The following NPAS1 variants were observed in gnomAD, a reference collection of about 807,000 sequenced individuals.
NPAS1 encodes the protein neuronal PAS domain-containing protein 1.
In NPAS1, 29 loss-of-function variants were observed where a neutral mutation model predicts 49.2. That is an observed-to-expected ratio of 0.59 (90% CI 0.44 to 0.80). NPAS1 has a LOEUF of 0.80. Among genes scored for constraint, NPAS1 ranks in the 30% least tolerant of loss-of-function variants. NPAS1 has a pLI of 0.00. For synonymous variants in NPAS1, 408 were observed against 380.4 expected, an observed-to-expected ratio of 1.07 and a Z score of -0.84; for missense variants, 825 against 835.5, an observed-to-expected ratio of 0.99 and a Z score of 0.15.
rs374759926 is a variant in NPAS1, at chr19:47,039,120, G to C, written c.773G>C (p.Arg258Thr). ...FVRMKSTLTK[R>T]GLHVKASGYK... ...CGCATGAAATCCACGCTCACCAAGAGGGGGCTGCACGTCAAGGCCTCAGGG... is the reference window on the plus strand; with the variant it reads ...CGCATGAAATCCACGCTCACCAAGACGGGGCTGCACGTCAAGGCCTCAGGG... The change falls in exon 7 of 12, where the codon AGG becomes ACG. Residue 258 changes from arginine to threonine, a missense_variant. Arg to Thr is a moderately conservative substitution (Grantham distance 71, BLOSUM62 -1). Coordinates refer to ENST00000602212, the MANE Select transcript of NPAS1 (RefSeq NM_002517.4). The C allele has an allele frequency of 4.3e-6, 7 of 1,613,156 alleles. No individual in the cohort carries two copies. The highest frequency in any genetic ancestry group is 5.1e-6 in the Non-Finnish European group (6 of 1,179,560).
chr19:47,021,863 C>T lies in NPAS1; in HGVS notation c.358+16C>T, dbSNP rs1443208197. 2 of 1,424,996 alleles carry T rather than the reference C, an allele frequency of 1.4e-6. No individual in the cohort carries two copies. Among genetic ancestry groups the T allele is most frequent in the Admixed American group, 2.7e-5 (1 of 36,904 alleles). 88.3% of individuals were successfully genotyped at this position (1,424,996 alleles called of 1,614,324 possible). A position where few individuals can be genotyped will look rare whatever the true frequency, so the allele number is the denominator to read the frequency against. On this transcript the variant is annotated intron_variant, in intron 3 of 11. Transcript: ENST00000602212. This position sits in a 1 kb window ranked among gnomAD's most constrained non-coding sequence, Gnocchi z 5.7. ...GCTGGCCTCGGTGAGTGCTCATGCG[C>T]GGGGCGAGGGTCCCGGGGCCCTCCA...
At chr19:47,042,261 A>G (rs1250106644) in intron 10 of NPAS1, among the ~76,000 whole-genome samples, 1 of 151,998 alleles carries the variant, frequency 6.6e-6, no homozygotes, top group South Asian at 2.1e-4. Flanking sequence ...GTGAGCCAAG[A>G]TCATGCCACT....
chr19:47,026,995 C>A (rs1436510804), intron 3 of NPAS1, among the ~76,000 whole-genome samples: 1 of 151,966 alleles, frequency 6.6e-6, no homozygotes, highest in Non-Finnish European at 1.5e-5. Flanking sequence ...GCATGACTCC[C>A]AGTATTAGGC....
chr19:47,042,549 G>T (rs527603882), intron 10 of NPAS1, among the ~76,000 whole-genome samples: 1 of 152,338 alleles, frequency 6.6e-6, no homozygotes, highest in East Asian at 1.9e-4. Flanking sequence ...AGATGGGCAT[G>T]AGGTGCCAGA....
intron 1 of NPAS1, 110 bp from the exon 2 acceptor site, chr19:47,020,896 C>G (rs1228685664): frequency 9.3e-5 from 6 of 64,768 alleles, no homozygotes; most frequent in Non-Finnish European, 1.4e-4. Flanking sequence ...TCATCCAGGC[C>G]CCCCCCCCCC....
rs969658580 is a variant in NPAS1, at chr19:47,032,345, C to A, written c.426C>A (p.Ile142=). ...TCGAGCAGCACCTGGGAGGTCACAT[C>A]TTGCAGGTGAGTGAGGCCCCTTCCC... The part of the protein sequence containing the change: ...EVFEQHLGGH[I]LQSLDGFVFA... Residue 142 remains isoleucine (I), a synonymous_variant, in exon 4 of 12, where the codon ATC becomes ATA. Coordinates refer to ENST00000602212, the MANE Select transcript of NPAS1 (RefSeq NM_002517.4). 6.2e-7 allele frequency: 1 copy of A among 1,614,042 alleles called. No individual in the cohort carries two copies. The highest frequency in any genetic ancestry group is 8.5e-7 in the Non-Finnish European group (1 of 1,179,994).
At chr19:47,026,056 C>T (rs562715984) in intron 3 of NPAS1, among the ~76,000 whole-genome samples, 3 of 152,120 alleles carry the variant, frequency 2.0e-5, no homozygotes, top group Non-Finnish European at 4.4e-5. Flanking sequence ...TCTCCTGCCT[C>T]AGCCTCCCAA....
intron 11 of NPAS1, 35 bp downstream of exon 11, chr19:47,042,939 C>T (rs10408524): frequency 6.8e-7 from 1 of 1,480,896 alleles, no homozygotes; most frequent in Non-Finnish European, 9.0e-7. Flanking sequence ...CCCTGGGAAG[C>T]TCCAAGGAAC....
At position 47,038,956 on chromosome 19, in the gene NPAS1, C is replaced by T. The variant is rs545709031; in HGVS notation, c.689-80C>T. 176 of 1,215,174 alleles carry T rather than the reference C, an allele frequency of 1.4e-4. 2 individuals are homozygous for T. The South Asian group carries it at 1.6e-3, about 11-fold the overall frequency. 75.3% of individuals were successfully genotyped at this position (1,215,174 alleles called of 1,614,324 possible). ...CCAGCGGACATCTTGTGTCTATGTC[C>T]GGCTGGCTCTGCAAGGGTCAGGGTG... On this transcript the variant is annotated intron_variant, in intron 6 of 11. Transcript: ENST00000602212.
At position 47,032,357 on chromosome 19, in the gene NPAS1, T is replaced by G. The variant is rs201933015; in HGVS notation, c.432+6T>G. On this transcript the variant is annotated splice_donor_region_variant and intron_variant, in intron 4 of 11. Coordinates refer to ENST00000602212, the MANE Select transcript of NPAS1 (RefSeq NM_002517.4). The stretch of plus-strand genomic sequence containing the variant: ...TGGGAGGTCACATCTTGCAGGTGAG[T>G]GAGGCCCCTTCCCTGCCTGCCGCTC... 57 of 1,613,666 alleles carry G rather than the reference T, an allele frequency of 3.5e-5. No individual in the cohort carries two copies. The highest frequency in any genetic ancestry group is 6.7e-5 in the East Asian group (3 of 44,868).
At chr19:47,039,908 A>G (rs1246666081) in intron 8 of NPAS1, among the ~76,000 whole-genome samples, 1 of 147,646 alleles carries the variant, frequency 6.8e-6, no homozygotes, top group Middle Eastern at 3.2e-3. Context: ...CCCGCAGTGG[A>G]GGCAAATTAA....
chr19:47,044,069 C>T (rs2057049265), intron 11 of NPAS1, among the ~76,000 whole-genome samples: 1 of 148,682 alleles, frequency 6.7e-6, no homozygotes, highest in African/African-American at 2.6e-5. Flanking sequence ...TCGTCTCAAA[C>T]AAATTTATTT....
At chr19:47,042,387 C>A (rs1334646375) in intron 10 of NPAS1, among the ~76,000 whole-genome samples, 5 of 152,190 alleles carry the variant, frequency 3.3e-5, no homozygotes, top group African/African-American at 1.2e-4. Context: ...CGCTGGAGGA[C>A]CAGGGCAGAG....
chr19:47,021,213 TC>T lies in NPAS1; in HGVS notation c.122+46del, dbSNP rs1475645915. ...CCCTGGCCGCGGGCCCCCCCCCGGG[TC>T]CAATTCACACCCGATGTTCTGTCCC... On this transcript the variant is annotated intron_variant, in intron 2 of 11. Coordinates refer to ENST00000602212, the MANE Select transcript of NPAS1 (RefSeq NM_002517.4). The surrounding 1 kb of genome is among the most constrained non-coding windows in gnomAD (Gnocchi z 5.7). The T allele has an allele frequency of 6.9e-7, 1 of 1,453,760 alleles. No individual in the cohort carries two copies. The highest frequency in any genetic ancestry group is 2.4e-5 in the Admixed American group (1 of 42,204). The allele number at this position is 1,453,760 out of a possible 1,614,324, so 90.1% of individuals were successfully genotyped here.
chr19:47,034,314 CAAAA>C (rs76817156), intron 5 of NPAS1, among the ~76,000 whole-genome samples: 1 of 92,714 alleles, frequency 1.1e-5, no homozygotes. Flanking sequence ...AACTCCGTCT[CAAAA>C]AAAAAAAAAA....
intron 11 of NPAS1, 126 bp from the exon 12 acceptor site, chr19:47,045,065 C>CAAA: frequency 1.1e-6 from 1 of 883,280 alleles, no homozygotes; most frequent in Non-Finnish European, 1.7e-6. Context: ...AACAAACAAA[C>CAAA]AAAAAAAAAA....
Position 47,045,423 on chromosome 19 carries a change from T to TCCCGGGGACCC in NPAS1, c.1550_1560dup (p.Pro521GlyfsTer?). On this transcript the variant is annotated frameshift_variant, in exon 12 of 12. Coordinates refer to ENST00000602212, the MANE Select transcript of NPAS1 (RefSeq NM_002517.4). LOFTEE classifies it low-confidence loss of function (END_TRUNC). ...CGGTGCGGCCATGGGGCCTGGCGCC[T>TCCCGGGGACCC]CCCGGGGACCCCCCGCCCACCCTCC... The TCCCGGGGACCC allele has an allele frequency of 6.2e-7, 1 of 1,606,388 alleles. No homozygotes were observed. The highest frequency in any genetic ancestry group is 2.2e-5 in the East Asian group (1 of 44,668).
At chr19:47,027,241 T>C (rs1015124278) in intron 3 of NPAS1, among the ~76,000 whole-genome samples, 13 of 152,086 alleles carry the variant, frequency 8.5e-5, no homozygotes, top group African/African-American at 3.1e-4. Flanking sequence ...GGTCAGCACA[T>C]TCCTTCAGGG....
intron 11 of NPAS1, 54 bp downstream of exon 11, chr19:47,042,958 C>G: frequency 7.3e-7 from 1 of 1,361,434 alleles, no homozygotes; most frequent in Non-Finnish European, 9.8e-7. Context: ...ACCTTTGGGT[C>G]CTGGCTGTCC....
Sources: allele counts gnomAD v4.1 joint callset (sites outside exome capture counted in the v4.1 genomes callset), GRCh38; gene constraint gnomAD v4.1.1; non-coding constraint Gnocchi (gnomAD v3.1); transcripts MANE v1.5; gene names NCBI Gene and HGNC (gene_info 2026-07-23, HGNC 2026-07-21).